ZDHHC14: variants seen among roughly 807,000 people sequenced by gnomAD.
ZDHHC14 encodes palmitoyltransferase ZDHHC14.
In ZDHHC14, 16 loss-of-function variants were observed where a neutral mutation model predicts 47.7. The ratio of observed to expected loss-of-function variants is 0.34; its 90% confidence interval spans 0.23 to 0.51. The LOEUF is 0.51. Ranked by LOEUF, ZDHHC14 falls within the 20% of genes least tolerant of loss-of-function variation. The pLI is 0.97. For synonymous variants in ZDHHC14, 293 were observed against 278.9 expected (o/e 1.05, Z -0.50); for missense variants, 515 against 662.5 (o/e 0.78, Z 2.44).
chr6:157,520,046 A>G (rs991992265), intron 1 of ZDHHC14, among the ~76,000 whole-genome samples: 8 of 152,204 alleles, frequency 5.3e-5, no homozygotes, highest in Non-Finnish European at 1.0e-4. Context: ...AGAGAAGGGC[A>G]TTGCAGGCTG....
In ZDHHC14 at chr6:157,561,537, A is replaced by T. The variant is rs1201169622; in HGVS notation, c.406+18792A>T. ...TGAGACCTGCTGTCCCGGCGCTCAG[A>T]TACACATGGGGGACAAAAATGACAA... On this transcript the variant is annotated intron_variant, in intron 2 of 8. Coordinates refer to ENST00000359775, the MANE Select transcript of ZDHHC14 (RefSeq NM_024630.3). 2.0e-5 allele frequency among the ~76,000 whole-genome samples: 3 copies of T among 152,300 alleles called. No individual in the cohort carries two copies. In the East Asian group the frequency reaches 5.8e-4, roughly 29 times the overall value.
At chr6:157,422,312 A>G (rs1225833618) in intron 1 of ZDHHC14, among the ~76,000 whole-genome samples, 1 of 152,020 alleles carries the variant, frequency 6.6e-6, no homozygotes, top group Non-Finnish European at 1.5e-5. Context: ...GAAACAATGC[A>G]AATTGTATTT....
intron 1 of ZDHHC14, among the ~76,000 whole-genome samples, chr6:157,452,068 G>A (rs1239975918): frequency 6.6e-6 from 1 of 152,134 alleles, no homozygotes; most frequent in African/African-American, 2.4e-5. Context: ...GACCCATTTA[G>A]CACAGTATTG....
At chr6:157,636,475 C>T (rs190594768) in intron 5 of ZDHHC14, among the ~76,000 whole-genome samples, 2 of 152,122 alleles carry the variant, frequency 1.3e-5, no homozygotes, top group Non-Finnish European at 2.9e-5. Context: ...TGCTGGCCCA[C>T]GCTGCTCACA....
In ZDHHC14 at chr6:157,586,112, C is replaced by T. The variant is rs1189120679; in HGVS notation, c.407-6876C>T. Among the ~76,000 whole-genome samples the T allele has an allele frequency of 2.0e-5, 3 of 152,198 alleles. No individual in the cohort carries two copies. The highest frequency in any genetic ancestry group is 4.4e-5 in the Non-Finnish European group (3 of 68,044). On this transcript the variant is annotated intron_variant, in intron 2 of 8. Transcript: ENST00000359775. The surrounding 1 kb of genome is among the most constrained non-coding windows in gnomAD (Gnocchi z 4.6). ...ACAAATCCTCCTGACATCATCGGTA[C>T]TGGGTCTTCCCTCTGGCCTGTAAAC...
At chr6:157,599,943 A>C (rs1784277900) in intron 3 of ZDHHC14, among the ~76,000 whole-genome samples, 2 of 152,250 alleles carry the variant, frequency 1.3e-5, no homozygotes, top group Admixed American at 1.3e-4. Context: ...AATTGATTTG[A>C]AAAATCTCAG....
intron 1 of ZDHHC14, among the ~76,000 whole-genome samples, chr6:157,481,335 CA>C (rs1481322187): frequency 1.3e-5 from 2 of 152,130 alleles, no homozygotes; most frequent in African/African-American, 2.4e-5. Context: ...AGAAAATGGA[CA>C]GTTAATTGGA....
rs1779147413 is a variant in ZDHHC14, at chr6:157,463,742, C to A, written c.246-78843C>A. On this transcript the variant is annotated intron_variant, in intron 1 of 8. Transcript: ENST00000359775. This position sits in a 1 kb window ranked among gnomAD's most constrained non-coding sequence, Gnocchi z 4.4. ...CATTAGTCAGATCTGAAAATTAACA[C>A]CAGCCGGCACAGTGGTTCACATCTG... Among the ~76,000 whole-genome samples, 1 of 152,196 alleles carries A rather than the reference C, an allele frequency of 6.6e-6. No individual in the cohort carries two copies. Among genetic ancestry groups the A allele is most frequent in the South Asian group, 2.1e-4 (1 of 4,828 alleles).
In ZDHHC14 at chr6:157,538,700, A is replaced by G. The variant is rs575325738; in HGVS notation, c.246-3885A>G. 7.9e-5 allele frequency among the ~76,000 whole-genome samples: 12 copies of G among 152,272 alleles called. No homozygotes were observed. The South Asian group carries it at 1.9e-3, about 24-fold the overall frequency. On this transcript the variant is annotated intron_variant, in intron 1 of 8. Transcript: ENST00000359775. ...GCAAAGAAAAACACGGTGGGGGTTC[A>G]GAGAAAGAAGCGATCCCTTCTGCTT...
At chr6:157,656,202 C>A (rs898872402) in intron 8 of ZDHHC14, among the ~76,000 whole-genome samples, 1 of 152,168 alleles carries the variant, frequency 6.6e-6, no homozygotes, top group Non-Finnish European at 1.5e-5. Context: ...TTCCAAATAA[C>A]TAGTACCGCT....
intron 1 of ZDHHC14, among the ~76,000 whole-genome samples, chr6:157,446,064 A>T (rs1490229504): frequency 1.3e-5 from 2 of 152,148 alleles, no homozygotes. Context: ...TTTTGTTTAT[A>T]ACCTTATTCT....
At chr6:157,388,961 A>G (rs908935628) in intron 1 of ZDHHC14, among the ~76,000 whole-genome samples, 1 of 152,038 alleles carries the variant, frequency 6.6e-6, no homozygotes, top group African/African-American at 2.4e-5. Context: ...TCTCTCAGGG[A>G]TTTTGAGTGT....
intron 2 of ZDHHC14, among the ~76,000 whole-genome samples, chr6:157,548,998 C>T (rs34885536): frequency 0.44 from 67,460 of 152,098 alleles, 15,075 homozygotes; most frequent in African/African-American, 0.49. Context: ...TCCTGTTATA[C>T]CTGTGAGGAT....
At chr6:157,665,720 T>C (rs1047437231) in intron 8 of ZDHHC14, among the ~76,000 whole-genome samples, 4 of 152,230 alleles carry the variant, frequency 2.6e-5, no homozygotes, top group East Asian at 1.9e-4. Context: ...TGAGGTCTTA[T>C]TTATTATCTC....
chr6:157,662,715 C>A (rs575594392), intron 8 of ZDHHC14, among the ~76,000 whole-genome samples: 1 of 152,320 alleles, frequency 6.6e-6, no homozygotes, highest in South Asian at 2.1e-4. Flanking sequence ...GAAGTTATGG[C>A]CATGGTGGGA....
chr6:157,585,283 C>A (rs35213181), intron 2 of ZDHHC14, among the ~76,000 whole-genome samples: 2 of 152,080 alleles, frequency 1.3e-5, no homozygotes, highest in Non-Finnish European at 2.9e-5. Flanking sequence ...CCCCAAAATT[C>A]TAGTGTTTGA....
At chr6:157,426,819 C>G (rs1298235954) in intron 1 of ZDHHC14, among the ~76,000 whole-genome samples, 1 of 152,232 alleles carries the variant, frequency 6.6e-6, no homozygotes, top group Non-Finnish European at 1.5e-5. Flanking sequence ...GGGAAGCCGT[C>G]TCACCTTTGG....
intron 1 of ZDHHC14, among the ~76,000 whole-genome samples, chr6:157,532,811 A>G (rs9505863): frequency 0.4 from 60,400 of 152,164 alleles, 12,120 homozygotes; most frequent in Admixed American, 0.46. Context: ...TGAGGTTTCA[A>G]TCCAACAGAG....
rs536715800 is a variant in ZDHHC14, at chr6:157,642,292, C to T, written c.753-3445C>T. ...CCTCCTGCACAACCTTCTTCCCTTA[C>T]GTACCTTCCTGCTGCAAACAGAGCC... On this transcript the variant is annotated intron_variant, in intron 5 of 8. Transcript: ENST00000359775. Among the ~76,000 whole-genome samples the T allele has an allele frequency of 2.0e-5, 3 of 152,318 alleles. 1 individual carries two copies. In the South Asian group the frequency reaches 6.2e-4, roughly 32 times the overall value.
Sources: gnomAD v4.1 joint callset for allele counts (sites outside exome capture counted in the v4.1 genomes callset) on GRCh38, gnomAD v4.1.1 for gene constraint, Gnocchi (gnomAD v3.1) non-coding constraint, MANE v1.5 for transcripts, NCBI Gene and HGNC (gene_info 2026-07-23, HGNC 2026-07-21) for gene names.